PROK2: variants seen among roughly 807,000 people sequenced by gnomAD.
PROK2 encodes prokineticin 2, also known as prokineticin-2.
A neutral mutation model predicts 14.2 loss-of-function variants in PROK2; 8 were observed. That is an observed-to-expected ratio of 0.56 (90% confidence interval 0.33 to 1.02). The LOEUF (loss-of-function observed/expected upper bound fraction) is 1.02. Ranked by LOEUF, PROK2 falls within the 50% of genes least tolerant of loss-of-function variation. PROK2 has a pLI of 0.03. For missense variants in PROK2, 154 were observed against 160.4 expected, an observed-to-expected ratio of 0.96 and a Z score of 0.22; for synonymous variants, 59 against 60.7, an observed-to-expected ratio of 0.97 and a Z score of 0.13.
At chr3:71,779,448 C>A (rs1008341241) in intron 2 of PROK2, among the ~76,000 whole-genome samples, 2 of 152,190 alleles carry the variant, frequency 1.3e-5, no homozygotes, top group African/African-American at 2.4e-5. Flanking sequence ...TATAGAGGAT[C>A]TGGTACATCA....
chr3:71,779,904 C>T (rs1287734112), intron 2 of PROK2, among the ~76,000 whole-genome samples: 1 of 152,178 alleles, frequency 6.6e-6, no homozygotes, highest in East Asian at 1.9e-4. Flanking sequence ...CCACTATGCC[C>T]AGCCAAAAAC....
At chr3:71,782,827 C>T (rs981583822) in intron 1 of PROK2, among the ~76,000 whole-genome samples, 3 of 152,142 alleles carry the variant, frequency 2.0e-5, no homozygotes, top group South Asian at 4.1e-4. Context: ...TCATTTACTT[C>T]CCTCATTAGA....
In PROK2 at chr3:71,774,494, T is replaced by C. The variant is rs2108190124; in HGVS notation, c.236A>G (p.Asn79Ser). 1 of 1,551,308 alleles carries C rather than the reference T, an allele frequency of 6.4e-7. No homozygotes were observed. Among genetic ancestry groups the C allele is most frequent in the Admixed American group, 2.0e-5 (1 of 50,980 alleles). ...CCTCTTTCTTCTTTCCTGCCTTCCA[T>C]TTCCAAAATTGTTCTGGAAGGGCCA... ...HPLTRKNNFG[N>S]GRQERRKRKR... The change falls in exon 3 of 4, where the codon AAT becomes AGT. Residue 79 changes from asparagine (N) to serine (S), a missense_variant. Asn to Ser is a conservative substitution (Grantham distance 46). Transcript: ENST00000295619.
At chr3:71,776,918 A>G (rs2050124758) in intron 2 of PROK2, among the ~76,000 whole-genome samples, 1 of 152,266 alleles carries the variant, frequency 6.6e-6, no homozygotes, top group Non-Finnish European at 1.5e-5. Context: ...AATTCCAAAC[A>G]GCAAATTCTA....
rs138976768 is a variant in PROK2 at position 71,780,338 on chromosome 3, C to A, written c.222+1129G>T. Among the ~76,000 whole-genome samples the A allele has an allele frequency of 5.8e-3, 881 of 152,278 alleles. 11 individuals carry two copies. The highest frequency in any genetic ancestry group is 0.02 in the African/African-American group (849 of 41,550). On this transcript the variant is annotated intron_variant, in intron 2 of 3. Coordinates refer to ENST00000295619, the MANE Select transcript of PROK2 (RefSeq NM_001126128.2). ...ACAATTTATTTCATTCTGTTCACTC[C>A]GAGGAGGTGAAAATATTAACTGTTC...
chr3:71,774,376 G>T (rs2050102549), intron 3 of PROK2, 69 bp downstream of exon 3: 1 of 1,550,830 alleles, frequency 6.4e-7, no homozygotes, highest in Non-Finnish European at 8.7e-7. Flanking sequence ...CTCTATGGTA[G>T]TCCAACAATG....
intron 2 of PROK2, 67 bp from the exon 3 acceptor site, chr3:71,774,574 G>A (rs1289429314): frequency 6.6e-7 from 1 of 1,522,996 alleles, no homozygotes; most frequent in East Asian, 2.5e-5. Context: ...CAATGGGAGG[G>A]CAGGGTATGC....
intron 1 of PROK2, among the ~76,000 whole-genome samples, chr3:71,784,498 C>G (rs2050195193): frequency 6.6e-6 from 1 of 152,178 alleles, no homozygotes; most frequent in South Asian, 2.1e-4. Context: ...GGAGCAAACT[C>G]TTTGACTGTA....
chr3:71,776,710 T>C (rs1479010172), intron 2 of PROK2, among the ~76,000 whole-genome samples: 2 of 152,156 alleles, frequency 1.3e-5, no homozygotes, highest in African/African-American at 2.4e-5. Flanking sequence ...ATACACTCGG[T>C]AGATGCTTGT....
At position 71,772,351 on chromosome 3, in the gene PROK2, A is replaced by G; in HGVS notation, c.*373T>C. The G allele has an allele frequency of 4.7e-6, 1 of 212,730 alleles. No individual in the cohort carries two copies. The highest frequency in any genetic ancestry group is 6.4e-5 in the South Asian group (1 of 15,610). 13.2% of individuals were successfully genotyped at this position (212,730 alleles called of 1,614,324 possible). ...AGGTGTATTTGTGTGGCAGGGCACA[A>G]ATGGGGCTTGGGGTGGTGAGAAAAA... On this transcript the variant is annotated 3_prime_UTR_variant, in exon 4 of 4. Coordinates refer to ENST00000295619, the MANE Select transcript of PROK2 (RefSeq NM_001126128.2).
chr3:71,775,778 AG>A (rs1389212670), intron 2 of PROK2, among the ~76,000 whole-genome samples: 1 of 152,170 alleles, frequency 6.6e-6, no homozygotes, highest in East Asian at 1.9e-4. Flanking sequence ...GACTCTCTAA[AG>A]GGGGGACCAT....
chr3:71,784,513 T>G (rs977509737), intron 1 of PROK2, among the ~76,000 whole-genome samples: 6 of 152,320 alleles, frequency 3.9e-5, no homozygotes, highest in African/African-American at 1.4e-4. Context: ...ACTGTAGGAT[T>G]AAGACTCTGG....
chr3:71,783,075 T>C (rs1046999007), intron 1 of PROK2, among the ~76,000 whole-genome samples: 8 of 152,206 alleles, frequency 5.3e-5, no homozygotes, highest in Non-Finnish European at 1.2e-4. Flanking sequence ...TCAAAATACC[T>C]ACATACACTA....
At chr3:71,781,640 C>A in intron 1 of PROK2, 48 bp from the exon 2 acceptor site, 1 of 1,581,500 alleles carries the variant, frequency 6.3e-7, no homozygotes, top group South Asian at 1.1e-5. Context: ...AGGAAAGACT[C>A]AGGCTAAGGA....
In PROK2 at chr3:71,778,104, G is replaced by A. The variant is rs554653639; in HGVS notation, c.222+3363C>T. 2.0e-5 allele frequency among the ~76,000 whole-genome samples: 3 copies of A among 152,128 alleles called. No homozygotes were observed. The East Asian group carries it at 5.8e-4, about 29-fold the overall frequency. On this transcript the variant is annotated intron_variant, in intron 2 of 3. Coordinates refer to ENST00000295619, the MANE Select transcript of PROK2 (RefSeq NM_001126128.2). ...CCCAGCTACTTGAGAGGCTGAGGCA[G>A]GAGAATGGCGTGAACCCGGGAGGCG...
chr3:71,779,349 C>T (rs1458080833), intron 2 of PROK2, among the ~76,000 whole-genome samples: 1 of 152,230 alleles, frequency 6.6e-6, no homozygotes, highest in Admixed American at 6.5e-5. Context: ...CTCTTGTTTA[C>T]TCACAGCCTG....
At position 71,776,630 on chromosome 3, in the gene PROK2, G is replaced by C. The variant is rs537270128; in HGVS notation, c.223-2123C>G. ...TGGCCTCGAGTGATCTGCCCATCTT[G>C]GCCTCCCAAAGTGTTGGGATTACAG... On this transcript the variant is annotated intron_variant, in intron 2 of 3. Coordinates refer to ENST00000295619, the MANE Select transcript of PROK2 (RefSeq NM_001126128.2). Among the ~76,000 whole-genome samples the C allele has an allele frequency of 1.1e-4, 17 of 152,052 alleles. No individual in the cohort carries two copies. The East Asian group carries it at 3.3e-3, about 29-fold the overall frequency.
At chr3:71,778,327 T>C (rs946401932) in intron 2 of PROK2, among the ~76,000 whole-genome samples, 3 of 152,186 alleles carry the variant, frequency 2.0e-5, no homozygotes, top group Non-Finnish European at 4.4e-5. Flanking sequence ...GGTGAACTCA[T>C]ATATCTCACA....
Position 71,774,477 on chromosome 3 carries a change from T to C in PROK2, c.253A>G (p.Arg85Gly), listed in dbSNP as rs895888852. The change falls in exon 3 of 4, where the codon AGA (arginine) becomes GGA (glycine). Residue 85 changes from arginine to glycine, a missense_variant. Arg to Gly is a moderately radical substitution (Grantham distance 125). Transcript: ENST00000295619. ...NNFGNGRQER[R>G]KRKRSKRKKE... Reference sequence around the variant, plus strand: ...TTCCTTTTGCTTCTCTTCCTCTTTCTTCTTTCCTGCCTTCCATTTCCAAAA... The same window carrying C: ...TTCCTTTTGCTTCTCTTCCTCTTTCCTCTTTCCTGCCTTCCATTTCCAAAA... 6 of 1,551,374 alleles carry C rather than the reference T, an allele frequency of 3.9e-6. No homozygotes were observed. Among genetic ancestry groups the C allele is most frequent in the African/African-American group, 2.7e-5 (2 of 73,044 alleles).
Sources: gnomAD v4.1 joint callset for allele counts (sites outside exome capture counted in the v4.1 genomes callset) on GRCh38, gnomAD v4.1.1 for gene constraint, MANE v1.5 for transcripts, NCBI Gene and HGNC (gene_info 2026-07-23, HGNC 2026-07-21) for gene names.